POTEB3: variants seen among roughly 807,000 people sequenced by gnomAD.
The protein encoded by POTEB3 is POTE ankyrin domain family member B3, also known as ANKRD26-like family B member 1.
A neutral mutation model predicts 39.8 loss-of-function variants in POTEB3; 5 were observed. That is an observed-to-expected ratio of 0.13 (90% CI 0.07 to 0.26). POTEB3 has a LOEUF of 0.26. Among genes scored for constraint, POTEB3 ranks in the 10% least tolerant of loss-of-function variants. The pLI is 1.00. For synonymous variants in POTEB3, 5 were observed against 161.5 expected (o/e 0.03, Z 7.35); for missense variants, 24 against 475.6 (o/e 0.05, Z 8.83).
At chr15:21,410,648 A>T (rs1481846232) in intron 10 of POTEB3, among the ~76,000 whole-genome samples, 2 of 76,958 alleles carry the variant, frequency 2.6e-5, no homozygotes, top group Non-Finnish European at 4.7e-5. Context: ...CGACTGTTGC[A>T]GGCAAATGCA....
intron 3 of POTEB3, among the ~76,000 whole-genome samples, chr15:21,433,450 C>G (rs1248980373): frequency 1.3e-5 from 2 of 149,486 alleles, no homozygotes; most frequent in African/African-American, 4.9e-5. Flanking sequence ...TCAAAATCTT[C>G]AGGGGAAAAC....
At chr15:21,425,993 T>C (rs1338601215) in intron 6 of POTEB3, 1 of 314,842 alleles carries the variant, frequency 3.2e-6, no homozygotes, top group African/African-American at 2.3e-5. Context: ...ACCTACTCAT[T>C]TCTATAGTAT....
chr15:21,405,524 G>A lies in POTEB3; in HGVS notation c.*3459C>T, dbSNP rs1466759646. Among the ~76,000 whole-genome samples the A allele has an allele frequency of 2.5e-4, 32 of 128,866 alleles. No individual in the cohort carries two copies. Among genetic ancestry groups the A allele is most frequent in the South Asian group, 4.5e-4 (2 of 4,406 alleles). The allele number at this position is 128,866 out of a possible 152,430, so 84.5% of individuals were successfully genotyped here. On this transcript the variant is annotated 3_prime_UTR_variant, in exon 11 of 11. Transcript: ENST00000611217. ...TGGTATGTGTGGATTTGATCCTCTC[G>A]TCATGCTGTCAGCTGGCTTTTTTGC... is the stretch of plus-strand genomic sequence containing the variant.
In POTEB3 at chr15:21,423,138, G is replaced by C. The variant is rs1415742895; in HGVS notation, c.1127-948C>G. Among the ~76,000 whole-genome samples, 26 of 141,092 alleles carry C rather than the reference G, an allele frequency of 1.8e-4. No homozygotes were observed. In the East Asian group the frequency reaches 5.2e-3, roughly 28 times the overall value. 92.6% of individuals were successfully genotyped at this position (141,092 alleles called of 152,430 possible). On this transcript the variant is annotated intron_variant, in intron 6 of 10. Transcript: ENST00000611217. ...TTTGTTTTAGCTGGGGTCTTGCTCT[G>C]TCACCAGGCTGGAGTGCAGTGGCAC...
At chr15:21,422,686 C>T (rs1358582607) in intron 6 of POTEB3, among the ~76,000 whole-genome samples, 1 of 148,812 alleles carries the variant, frequency 6.7e-6, no homozygotes, top group African/African-American at 2.5e-5. Flanking sequence ...AAAACAAATT[C>T]CTTTACCATC....
At chr15:21,410,526 A>T (rs1299525482) in intron 10 of POTEB3, among the ~76,000 whole-genome samples, 4 of 63,968 alleles carry the variant, frequency 6.3e-5, no homozygotes, top group African/African-American at 1.5e-4. Flanking sequence ...CAAAACTAGC[A>T]AATCTGTTGT....
intron 10 of POTEB3, among the ~76,000 whole-genome samples, chr15:21,409,713 C>A (rs1255948307): frequency 1.0e-5 from 1 of 100,356 alleles, no homozygotes; most frequent in South Asian, 2.5e-4. Context: ...TAAATCTAAG[C>A]GTTGTACCCT....
intron 6 of POTEB3, among the ~76,000 whole-genome samples, chr15:21,422,771 A>G (rs1271134191): frequency 6.6e-6 from 1 of 151,568 alleles, no homozygotes; most frequent in Non-Finnish European, 1.5e-5. Flanking sequence ...TTTTCCCTCA[A>G]TGCAGCTGCA....
In POTEB3 at chr15:21,407,542, G is replaced by A. The variant is rs1214217681; in HGVS notation, c.*1441C>T. Among the ~76,000 whole-genome samples, 19 of 78,220 alleles carry A rather than the reference G, an allele frequency of 2.4e-4. 2 individuals carry two copies. Among genetic ancestry groups the A allele is most frequent in the South Asian group, 5.9e-4 (2 of 3,388 alleles). 51.3% of individuals were successfully genotyped at this position (78,220 alleles called of 152,430 possible). On this transcript the variant is annotated 3_prime_UTR_variant, in exon 11 of 11. Coordinates refer to ENST00000611217, the MANE Select transcript of POTEB3 (RefSeq NM_207355.5). Reference sequence around the variant, plus strand: ...CTGCAGCTCTCCACTGATCAGCCACGGTCTGCTTGTACAGAAGCTATGGTG... The same window carrying A: ...CTGCAGCTCTCCACTGATCAGCCACAGTCTGCTTGTACAGAAGCTATGGTG...
chr15:21,426,364 T>C (rs1898706290), intron 6 of POTEB3: 1 of 328,642 alleles, frequency 3.0e-6, no homozygotes, highest in African/African-American at 2.3e-5. Flanking sequence ...TAAATCATAA[T>C]TATAAGCTTC....
chr15:21,434,091 C>T (rs1216524024), intron 3 of POTEB3, among the ~76,000 whole-genome samples: 1 of 139,720 alleles, frequency 7.2e-6, no homozygotes, highest in African/African-American at 2.8e-5. Flanking sequence ...AAAAAAAAAA[C>T]CTCTTCATGG....
At chr15:21,419,915 G>A (rs1898467294) in intron 8 of POTEB3, among the ~76,000 whole-genome samples, 1 of 130,570 alleles carries the variant, frequency 7.7e-6, no homozygotes, top group East Asian at 2.1e-4. Context: ...TTCATTTTGT[G>A]CTTTTATTCC....
intron 6 of POTEB3, among the ~76,000 whole-genome samples, chr15:21,422,934 CA>C (rs1383231801): frequency 1.4e-5 from 2 of 143,770 alleles, no homozygotes; most frequent in Non-Finnish European, 3.1e-5. Context: ...TGCACCTAAA[CA>C]AAATCCTCTT....
In POTEB3 at chr15:21,410,918, T is replaced by C. The variant is rs1273391048; in HGVS notation, c.1493A>G (p.Gln498Arg). The part of the protein sequence containing the change: ...ISQDEILTNK[Q>R]KQIEVAEKEM... ...CTTTTCAGCCACTTCTATCTGCTTT[T>C]GTTTATTAGTCAGAATCTCATCTTG... is the stretch of plus-strand genomic sequence containing the variant. Residue 498 changes from glutamine (Q) to arginine (R), a missense_variant, in exon 10 of 11, where the codon CAA becomes CGA. Coordinates refer to ENST00000611217, the MANE Select transcript of POTEB3 (RefSeq NM_207355.5). 21 of 1,090,986 alleles carry C rather than the reference T, an allele frequency of 1.9e-5. 4 individuals carry two copies. The Admixed American group carries it at 4.8e-4, about 25-fold the overall frequency. The allele number at this position is 1,090,986 out of a possible 1,614,324, so 67.6% of individuals were successfully genotyped here. A position where few individuals can be genotyped will look rare whatever the true frequency, so the allele number is the denominator to read the frequency against.
intron 6 of POTEB3, among the ~76,000 whole-genome samples, chr15:21,426,559 T>A (rs1356892326): frequency 2.1e-5 from 3 of 141,330 alleles, no homozygotes; most frequent in Admixed American, 2.1e-4. Flanking sequence ...CATAGAAATG[T>A]TTTCTTTGTA....
At chr15:21,430,708 G>T (rs1193875044) in intron 4 of POTEB3, among the ~76,000 whole-genome samples, 3 of 151,344 alleles carry the variant, frequency 2.0e-5, no homozygotes, top group South Asian at 2.1e-4. Flanking sequence ...AGTGGACAAA[G>T]ATTTAAGTGA....
chr15:21,419,820 T>G (rs1898464383), intron 8 of POTEB3, among the ~76,000 whole-genome samples, 190 bp from the exon 9 acceptor site: 1 of 140,594 alleles, frequency 7.1e-6, no homozygotes, highest in African/African-American at 2.8e-5. Flanking sequence ...GTCATTAGTA[T>G]ATCACTGAAA....
chr15:21,430,743 C>A (rs1220738067), intron 4 of POTEB3, among the ~76,000 whole-genome samples: 1 of 151,280 alleles, frequency 6.6e-6, no homozygotes, highest in South Asian at 2.1e-4. Flanking sequence ...CTTCCCTAGA[C>A]TGATATGCTG....
intron 3 of POTEB3, among the ~76,000 whole-genome samples, chr15:21,433,591 G>C (rs1413493084): frequency 6.6e-6 from 1 of 150,400 alleles, no homozygotes; most frequent in East Asian, 1.9e-4. Context: ...TATCATTTGA[G>C]GATTTGGCCA....
Sources: allele counts gnomAD v4.1 joint callset (sites outside exome capture counted in the v4.1 genomes callset), GRCh38; gene constraint gnomAD v4.1.1; transcripts MANE v1.5; gene names NCBI Gene and HGNC (gene_info 2026-07-23, HGNC 2026-07-21).